The following PSMA1 variants were observed in gnomAD, a reference collection of about 807,000 sequenced individuals.
The protein encoded by PSMA1 is proteasome 20S subunit alpha 1, also known as proteasome subunit alpha type-1.
PSMA1 carries 3 observed loss-of-function variants against 38.4 expected under a neutral mutation model. The observed-to-expected ratio is 0.08, with a 90% confidence interval of 0.04 to 0.20. PSMA1 has a LOEUF of 0.20. Ranked by LOEUF, PSMA1 falls within the 10% of genes least tolerant of loss-of-function variation. The pLI, the probability that PSMA1 is intolerant of heterozygous loss-of-function variation, is 1.00. For missense variants in PSMA1, 227 were observed against 325.3 expected (o/e 0.70, Z 2.32); for synonymous variants, 101 against 107.1 (o/e 0.94, Z 0.35).
At chr11:14,561,453 A>T (rs1170906448) in intron 2 of PSMA1, among the ~76,000 whole-genome samples, 1 of 152,226 alleles carries the variant, frequency 6.6e-6, no homozygotes, top group Non-Finnish European at 1.5e-5. Context: ...CTACAACTGC[A>T]TCTGCCTTTG....
intron 2 of PSMA1, among the ~76,000 whole-genome samples, chr11:14,596,957 G>C (rs1394669718): frequency 6.6e-6 from 1 of 152,122 alleles, no homozygotes; most frequent in African/African-American, 2.4e-5. Context: ...AGCATGAAGG[G>C]CTGTTGAATT....
chr11:14,608,799 C>T (rs1852674714), intron 2 of PSMA1, among the ~76,000 whole-genome samples: 3 of 150,020 alleles, frequency 2.0e-5, no homozygotes, highest in Admixed American at 2.0e-4. Context: ...AGACTTCTTC[C>T]CATTATCAAA....
At chr11:14,518,897 T>C in intron 2 of PSMA1, 100 bp downstream of exon 2, 4 of 961,116 alleles carry the variant, frequency 4.2e-6, no homozygotes, top group South Asian at 1.7e-5. Context: ...CTAAAATAAT[T>C]ATATTCCATT....
chr11:14,597,800 G>A (rs1565054412), intron 2 of PSMA1, among the ~76,000 whole-genome samples: 1 of 152,026 alleles, frequency 6.6e-6, no homozygotes, highest in Admixed American at 6.6e-5. Flanking sequence ...GCTTTTGAAT[G>A]TGTTTGCTCT....
chr11:14,577,663 G>T (rs1852234356), intron 2 of PSMA1, among the ~76,000 whole-genome samples: 1 of 152,162 alleles, frequency 6.6e-6, no homozygotes, highest in Non-Finnish European at 1.5e-5. Flanking sequence ...CCTGGCAAAT[G>T]TAGGTATTAT....
chr11:14,604,691 T>G (rs1158773219), intron 2 of PSMA1, among the ~76,000 whole-genome samples: 2 of 152,026 alleles, frequency 1.3e-5, no homozygotes, highest in East Asian at 3.9e-4. Context: ...TACCTAATAG[T>G]TTTTCAACCC....
At chr11:14,561,838 A>T (rs1164157082) in intron 2 of PSMA1, among the ~76,000 whole-genome samples, 1 of 151,992 alleles carries the variant, frequency 6.6e-6, no homozygotes, top group East Asian at 1.9e-4. Context: ...ACTAAACTAA[A>T]CTAAACTAAA....
At chr11:14,619,540 C>G (rs1852815460) in intron 1 of PSMA1, among the ~76,000 whole-genome samples, 1 of 151,942 alleles carries the variant, frequency 6.6e-6, no homozygotes, top group Admixed American at 6.6e-5. Context: ...GACTCAGCTT[C>G]AAAGAAGAGG....
chr11:14,573,485 A>G (rs1220359339), intron 2 of PSMA1, among the ~76,000 whole-genome samples: 1 of 152,228 alleles, frequency 6.6e-6, no homozygotes, highest in Non-Finnish European at 1.5e-5. Flanking sequence ...AAAACTCTCA[A>G]TAAATTAGGT....
At chr11:14,521,591 T>C (rs1851531094), upstream of PSMA1, among the ~76,000 whole-genome samples, 1 of 151,448 alleles carries the variant, frequency 6.6e-6, no homozygotes, top group Non-Finnish European at 1.5e-5. Flanking sequence ...CGGACCATCC[T>C]GGCCAACATG....
intron 2 of PSMA1, chr11:14,610,760 C>A (rs751505536): frequency 3.5e-6 from 2 of 563,524 alleles, no homozygotes; most frequent in Non-Finnish European, 6.3e-6. Flanking sequence ...GTGCCTATGA[C>A]AAGGCTGGTA....
rs144111212 is a variant in PSMA1 at position 14,587,426 on chromosome 11, C to A, written c.21+23540G>T. ...CAAGGCTTCTGGGCTCTGGTGACAA[C>A]TGCTCCTCCCAGTGTCACCCTTGCA... On this transcript the variant is annotated intron_variant, in intron 2 of 10. Transcript: ENST00000418988. Among the ~76,000 whole-genome samples the A allele has an allele frequency of 1.5e-3, 235 of 152,350 alleles. 1 individual carries two copies. Among genetic ancestry groups the A allele is most frequent in the African/African-American group, 5.2e-3 (217 of 41,584 alleles).
At chr11:14,509,190 C>T (rs1308762317) in intron 8 of PSMA1, among the ~76,000 whole-genome samples, 1 of 152,178 alleles carries the variant, frequency 6.6e-6, no homozygotes, top group African/African-American at 2.4e-5. Flanking sequence ...CCTGACCTTC[C>T]TCCCCAACGC....
intron 2 of PSMA1, among the ~76,000 whole-genome samples, chr11:14,582,579 G>A (rs561094539): frequency 1.8e-4 from 28 of 151,900 alleles, no homozygotes; most frequent in Middle Eastern, 3.4e-3. Context: ...GTATAGTGGC[G>A]CCATCTTGGC....
At chr11:14,639,454 A>G (rs1236350930) in intron 1 of PSMA1, among the ~76,000 whole-genome samples, 2 of 152,240 alleles carry the variant, frequency 1.3e-5, no homozygotes, top group Non-Finnish European at 1.5e-5. Context: ...AGAAATATCA[A>G]CACACTTGAA....
intron 2 of PSMA1, among the ~76,000 whole-genome samples, chr11:14,601,689 C>G (rs1032752395): frequency 6.6e-6 from 1 of 152,070 alleles, no homozygotes; most frequent in African/African-American, 2.4e-5. Flanking sequence ...TTTATAGATG[C>G]CTTAAGAAGC....
intron 2 of PSMA1, among the ~76,000 whole-genome samples, chr11:14,608,325 G>A (rs1356958653): frequency 6.6e-6 from 1 of 151,776 alleles, no homozygotes; most frequent in African/African-American, 2.4e-5. Context: ...CTTAAGCCTG[G>A]GTCATACAGC....
In PSMA1 at chr11:14,513,585, A is replaced by C; in HGVS notation, c.529T>G (p.Ser177Ala). 6.4e-7 allele frequency: 1 copy of C among 1,553,282 alleles called. No individual in the cohort carries two copies. The highest frequency in any genetic ancestry group is 8.6e-7 in the Non-Finnish European group (1 of 1,159,742). The part of the protein sequence containing the change: ...SARTYLERHM[S>A]EFMECNLNEL... ...TGTCACTTACACTCCATAAATTCAG[A>C]CATATGTCTCTCCAAGTAAGTACGA... The change falls in exon 7 of 10, where the codon TCT becomes GCT. Residue 177 changes from serine (S) to alanine (A), a missense_variant. Transcript: ENST00000396394.
At chr11:14,629,743 G>A (rs370591316) in intron 1 of PSMA1, among the ~76,000 whole-genome samples, 1 of 151,484 alleles carries the variant, frequency 6.6e-6, no homozygotes, top group Admixed American at 6.6e-5. Flanking sequence ...CATTGAATCT[G>A]TAAATTACCT....
Sources: allele counts gnomAD v4.1 joint callset (sites outside exome capture counted in the v4.1 genomes callset), GRCh38; gene constraint gnomAD v4.1.1; transcripts MANE v1.5; gene names NCBI Gene and HGNC (gene_info 2026-07-23, HGNC 2026-07-21).